The following ODAD4 variants were observed in gnomAD, a reference collection of about 807,000 sequenced individuals.
The protein encoded by ODAD4 is outer dynein arm-docking complex subunit 4.
ODAD4 carries 49 observed loss-of-function variants against 51.8 expected under a neutral mutation model. That is an observed-to-expected ratio of 0.95 (90% CI 0.75 to 1.20). The LOEUF is 1.20. ODAD4 is among the 50% of genes most tolerant of loss of function. ODAD4 has a pLI of 0.00. For missense variants in ODAD4, 590 were observed against 586.5 expected (o/e 1.01, Z -0.06); for synonymous variants, 235 against 221.3 (o/e 1.06, Z -0.55).
Position 41,935,235 on chromosome 17 carries a change from G to C in ODAD4, c.133G>C (p.Gly45Arg). ...SFSNALYLQD[G>R]DKNCLVARSK... Reference sequence around the variant, plus strand: ...TTGTCAGGCTCTTTACCTTCAGGATGGAGACAAGAACTGCCTGGTTGCTCG... The same window carrying C: ...TTGTCAGGCTCTTTACCTTCAGGATCGAGACAAGAACTGCCTGGTTGCTCG... Residue 45 changes from glycine (G) to arginine (R), a missense_variant, in exon 2 of 12, where the codon GGA becomes CGA. By Grantham distance (125) the Gly-to-Arg change is moderately radical. Coordinates refer to ENST00000377540, the MANE Select transcript of ODAD4 (RefSeq NM_031421.5). The C allele has an allele frequency of 6.2e-7, 1 of 1,613,970 alleles. No individual in the cohort carries two copies. The highest frequency in any genetic ancestry group is 1.1e-5 in the South Asian group (1 of 91,080).
chr17:41,964,655 C>CT (rs1164840496), intron 11 of ODAD4, among the ~76,000 whole-genome samples: 1 of 151,884 alleles, frequency 6.6e-6, no homozygotes, highest in Non-Finnish European at 1.5e-5. Context: ...TTTCTTCTTT[C>CT]TTTTTTGGAG....
At chr17:41,932,371 C>G (rs1227746514) in intron 1 of ODAD4, among the ~76,000 whole-genome samples, 1 of 152,050 alleles carries the variant, frequency 6.6e-6, no homozygotes, top group East Asian at 1.9e-4. Context: ...CCACCCAGTG[C>G]ATACTCAATT....
chr17:41,930,838 G>A lies in ODAD4; in HGVS notation c.114+1G>A. The A allele has an allele frequency of 6.6e-7, 1 of 1,509,754 alleles. No homozygotes were observed. The highest frequency in any genetic ancestry group is 9.0e-7 in the Non-Finnish European group (1 of 1,109,668). 93.5% of individuals were successfully genotyped at this position (1,509,754 alleles called of 1,614,324 possible). On this transcript the variant is annotated splice_donor_variant, in intron 1 of 11. Coordinates refer to ENST00000377540, the MANE Select transcript of ODAD4 (RefSeq NM_031421.5). LOFTEE classifies it high-confidence loss of function. Reference sequence around the variant, plus strand: ...TAAAGCCGCGCAGAGCTTCAGCAACGTGAGTCGAGCTCTCAACCTATCCAT... The same window carrying A: ...TAAAGCCGCGCAGAGCTTCAGCAACATGAGTCGAGCTCTCAACCTATCCAT...
At chr17:41,950,424 C>G (rs1598084099) in intron 9 of ODAD4, among the ~76,000 whole-genome samples, 1 of 151,484 alleles carries the variant, frequency 6.6e-6, no homozygotes, top group Non-Finnish European at 1.5e-5. Flanking sequence ...ACTCTGTCAC[C>G]CAGGCTGGAG....
chr17:41,956,731 A>C (rs1236137393), intron 10 of ODAD4, among the ~76,000 whole-genome samples: 1 of 151,848 alleles, frequency 6.6e-6, no homozygotes, highest in Non-Finnish European at 1.5e-5. Context: ...CCTGGGTGAC[A>C]GAGCGAGACC....
chr17:41,961,605 A>T, intron 11 of ODAD4, 139 bp downstream of exon 11: 1 of 646,978 alleles, frequency 1.5e-6, no homozygotes, highest in South Asian at 1.8e-5. Flanking sequence ...TTTCAGTGCC[A>T]CCAGCAGCCC....
At chr17:41,950,570 G>A (rs1465440113) in intron 9 of ODAD4, among the ~76,000 whole-genome samples, 3 of 151,440 alleles carry the variant, frequency 2.0e-5, no homozygotes, top group African/African-American at 4.9e-5. Context: ...TTTTAGAGAT[G>A]CAGTTTCACT....
intron 8 of ODAD4, 75 bp downstream of exon 8, chr17:41,945,297 G>C (rs1159953361): frequency 8.5e-7 from 1 of 1,179,452 alleles, no homozygotes; most frequent in Admixed American, 2.1e-5. Context: ...ATTTGTTTCC[G>C]GTAATAAGAA....
At chr17:41,945,021 A>G in intron 7 of ODAD4, 115 bp from the exon 8 acceptor site, 1 of 783,182 alleles carries the variant, frequency 1.3e-6, no homozygotes, top group Non-Finnish European at 2.1e-6. Flanking sequence ...TGTCCCTCCA[A>G]CTGAAACCCT....
At chr17:41,948,733 C>T (rs1200326660) in intron 8 of ODAD4, among the ~76,000 whole-genome samples, 5 of 151,940 alleles carry the variant, frequency 3.3e-5, no homozygotes, top group African/African-American at 4.8e-5. Flanking sequence ...CTCCACCTCC[C>T]GGGTTCAAGT....
intron 7 of ODAD4, among the ~76,000 whole-genome samples, chr17:41,942,799 T>C (rs1395337682): frequency 6.6e-6 from 1 of 152,158 alleles, no homozygotes; most frequent in African/African-American, 2.4e-5. Context: ...CTGGATGCCA[T>C]GCCTCGAAAC....
At chr17:41,958,782 T>C (rs2050766397) in intron 10 of ODAD4, among the ~76,000 whole-genome samples, 1 of 151,764 alleles carries the variant, frequency 6.6e-6, no homozygotes, top group Non-Finnish European at 1.5e-5. Flanking sequence ...CCGAACACTT[T>C]GGGAGGCCGA....
chr17:41,932,906 C>G (rs2050370575), intron 1 of ODAD4, among the ~76,000 whole-genome samples: 1 of 152,038 alleles, frequency 6.6e-6, no homozygotes, highest in South Asian at 2.1e-4. Flanking sequence ...AAATTGCCCA[C>G]TTCTTCTGCT....
intron 7 of ODAD4, among the ~76,000 whole-genome samples, chr17:41,944,401 C>T (rs2050549628): frequency 1.4e-4 from 1 of 7,008 alleles, no homozygotes; most frequent in East Asian, 0.017. Flanking sequence ...TACACACACA[C>T]ACACACACAC....
rs782049616 is a variant in ODAD4, at chr17:41,939,066, C to G, written c.952C>G (p.Leu318Val). Residue 318 changes from leucine (L) to valine (V), a missense_variant, in exon 7 of 12, where the codon CTG becomes GTG. By Grantham distance (32) the Leu-to-Val change is conservative. Coordinates refer to ENST00000377540, the MANE Select transcript of ODAD4 (RefSeq NM_031421.5). ...GGAAGAGGTACCCAACAAGGATGAA[C>G]TGGTTGGAAACTTGTATAGCTGCAT... ...NKEEVPNKDE[L>V]VGNLYSCIGN... The G allele has an allele frequency of 4.3e-6, 7 of 1,613,940 alleles. 1 individual carries two copies. The South Asian group carries it at 7.7e-5, about 18-fold the overall frequency.
At chr17:41,964,565 A>G (rs570549370) in intron 11 of ODAD4, among the ~76,000 whole-genome samples, 2 of 152,262 alleles carry the variant, frequency 1.3e-5, no homozygotes, top group African/African-American at 4.8e-5. Context: ...GCTGGCAAAA[A>G]CAGTCATTCT....
In ODAD4 at chr17:41,953,913, G is replaced by T. The variant is rs569002412; in HGVS notation, c.1343-1304G>T. Among the ~76,000 whole-genome samples, 106 of 151,970 alleles carry T rather than the reference G, an allele frequency of 7.0e-4. 1 individual carries two copies. Among genetic ancestry groups the T allele is most frequent in the African/African-American group, 2.4e-3 (99 of 41,474 alleles). ...AACTCCTGGTTCAAGTGATCCGCCT[G>T]CCTTAGCCTCCCAAAGTGCTGGGAT... On this transcript the variant is annotated intron_variant, in intron 9 of 11. Coordinates refer to ENST00000377540, the MANE Select transcript of ODAD4 (RefSeq NM_031421.5).
chr17:41,941,766 CAAAA>C (rs35275435), intron 7 of ODAD4, among the ~76,000 whole-genome samples: 7 of 122,332 alleles, frequency 5.7e-5, no homozygotes, highest in Non-Finnish European at 5.2e-5. Context: ...GACTCCGTCT[CAAAA>C]AAAAAAAAAA....
chr17:41,962,071 C>G (rs2050812429), intron 11 of ODAD4, among the ~76,000 whole-genome samples: 1 of 152,200 alleles, frequency 6.6e-6, no homozygotes, highest in South Asian at 2.1e-4. Context: ...ATAACAGTAG[C>G]TACACTTTGG....
Sources: gnomAD v4.1 joint callset for allele counts (sites outside exome capture counted in the v4.1 genomes callset) on GRCh38, gnomAD v4.1.1 for gene constraint, MANE v1.5 for transcripts, NCBI Gene and HGNC (gene_info 2026-07-23, HGNC 2026-07-21) for gene names.